The following FHOD3 variants were observed in gnomAD, a reference collection of about 807,000 sequenced individuals.
The protein encoded by FHOD3 is formin homology 2 domain containing 3.
FHOD3 carries 90 observed loss-of-function variants against 173.0 expected under a neutral mutation model. That is an observed-to-expected ratio of 0.52 (90% CI 0.44 to 0.62). The LOEUF is 0.62. Among genes scored for constraint, FHOD3 ranks in the 20% least tolerant of loss-of-function variants. FHOD3 has a pLI of 0.00. For synonymous variants in FHOD3, 828 were observed against 823.0 expected, an observed-to-expected ratio of 1.01 and a Z score of -0.10; for missense variants, 1,945 against 2,034.7, an observed-to-expected ratio of 0.96 and a Z score of 0.85.
intron 3 of FHOD3, among the ~76,000 whole-genome samples, chr18:36,480,945 C>T (rs1461183580): frequency 1.4e-5 from 2 of 146,512 alleles, no homozygotes; most frequent in African/African-American, 5.4e-5. Flanking sequence ...TTCATGTTCT[C>T]TGGAAACTCA....
intron 1 of FHOD3, among the ~76,000 whole-genome samples, chr18:36,324,014 G>A (rs1480465622): frequency 6.6e-6 from 1 of 152,224 alleles, no homozygotes; most frequent in Non-Finnish European, 1.5e-5. Context: ...TGAGGAATTT[G>A]TTGATTCATA....
At chr18:36,467,441 G>A (rs140470256) in intron 3 of FHOD3, among the ~76,000 whole-genome samples, 1 of 152,070 alleles carries the variant, frequency 6.6e-6, no homozygotes, top group African/African-American at 2.4e-5. Context: ...CCACCTTGTG[G>A]TTACCCTAGA....
chr18:36,732,168 C>T (rs1316174733), intron 20 of FHOD3, among the ~76,000 whole-genome samples: 1 of 152,134 alleles, frequency 6.6e-6, no homozygotes, highest in Non-Finnish European at 1.5e-5. Context: ...CCAAAGAATA[C>T]CAAGGATCGT....
intron 5 of FHOD3, among the ~76,000 whole-genome samples, chr18:36,555,349 T>A (rs889001507): frequency 2.6e-4 from 39 of 152,030 alleles, no homozygotes; most frequent in African/African-American, 9.2e-4. Flanking sequence ...AGAGTTTTTT[T>A]ATTTGTTTAT....
chr18:36,391,344 G>T (rs1356652678), intron 3 of FHOD3, among the ~76,000 whole-genome samples: 3 of 152,168 alleles, frequency 2.0e-5, no homozygotes, highest in South Asian at 2.1e-4. Flanking sequence ...CTGGACAGAT[G>T]CCAGGATCCC....
At chr18:36,509,532 G>A (rs1414760049) in intron 4 of FHOD3, among the ~76,000 whole-genome samples, 1 of 151,960 alleles carries the variant, frequency 6.6e-6, no homozygotes. Flanking sequence ...TTTTTTGTGA[G>A]TGCATATTTT....
At chr18:36,380,552 G>GTTTTCTTTTCTTTTCTTTTC (rs751185984) in intron 3 of FHOD3, among the ~76,000 whole-genome samples, 2 of 79,454 alleles carry the variant, frequency 2.5e-5, no homozygotes, top group African/African-American at 1.1e-4. Context: ...TCTTTCTTTT[G>GTTTTCTTTTCTTTTCTTTTC]TTTTCTTTTC....
intron 4 of FHOD3, among the ~76,000 whole-genome samples, chr18:36,506,326 A>C (rs2055296035): frequency 6.6e-6 from 1 of 152,182 alleles, no homozygotes; most frequent in African/African-American, 2.4e-5. Flanking sequence ...AGCATGAAGG[A>C]TGTTCAGCAT....
At chr18:36,623,925 A>G (rs1416356218) in intron 9 of FHOD3, among the ~76,000 whole-genome samples, 2 of 152,204 alleles carry the variant, frequency 1.3e-5, no homozygotes, top group African/African-American at 4.8e-5. Context: ...AGGGCAGCTG[A>G]TTTTGCAATA....
intron 9 of FHOD3, among the ~76,000 whole-genome samples, chr18:36,625,021 C>T (rs2033990710): frequency 6.6e-6 from 1 of 152,148 alleles, no homozygotes; most frequent in African/African-American, 2.4e-5. Context: ...ATGGGTGAGG[C>T]CAGTTCCCAT....
At chr18:36,356,642 T>G (rs898714289) in intron 2 of FHOD3, among the ~76,000 whole-genome samples, 36 of 151,632 alleles carry the variant, frequency 2.4e-4, no homozygotes, top group African/African-American at 8.7e-4. Flanking sequence ...TATATATATA[T>G]ATGTTATTTT....
At chr18:36,302,234 C>T (rs1278698939) in intron 1 of FHOD3, among the ~76,000 whole-genome samples, 3 of 152,174 alleles carry the variant, frequency 2.0e-5, no homozygotes, top group Non-Finnish European at 4.4e-5. Context: ...TGTGTTCATT[C>T]CTTTCTCACT....
intron 3 of FHOD3, among the ~76,000 whole-genome samples, chr18:36,411,467 A>G (rs1383531986): frequency 1.3e-5 from 2 of 152,226 alleles, no homozygotes; most frequent in Non-Finnish European, 2.9e-5. Context: ...TCATAAAAGG[A>G]TATTTAACCA....
intron 3 of FHOD3, among the ~76,000 whole-genome samples, chr18:36,451,311 T>C (rs2051827456): frequency 6.6e-6 from 1 of 152,226 alleles, no homozygotes; most frequent in Non-Finnish European, 1.5e-5. Context: ...AAATAGCTGA[T>C]GTCACAGACT....
Position 36,355,524 on chromosome 18 carries a change from C to T in FHOD3, c.166-15C>T, listed in dbSNP as rs746531183. The T allele has an allele frequency of 6.2e-7, 1 of 1,612,444 alleles. No homozygotes were observed. Among genetic ancestry groups the T allele is most frequent in the Admixed American group, 1.7e-5 (1 of 60,014 alleles). Reference sequence around the variant, plus strand: ...TGAGGAGCAGGTTGGGTATAACAGGCTCTTTCTCTTGCAGCTGGATGACTG... The same window carrying T: ...TGAGGAGCAGGTTGGGTATAACAGGTTCTTTCTCTTGCAGCTGGATGACTG... On this transcript the variant is annotated splice_polypyrimidine_tract_variant and intron_variant, in intron 1 of 28. Coordinates refer to ENST00000590592, the MANE Select transcript of FHOD3 (RefSeq NM_001281740.3).
chr18:36,595,579 T>C (rs1421669755), intron 7 of FHOD3, among the ~76,000 whole-genome samples: 1 of 152,170 alleles, frequency 6.6e-6, no homozygotes, highest in East Asian at 1.9e-4. Flanking sequence ...GTGTTGCCCA[T>C]CCCTGTCTCT....
In FHOD3 at chr18:36,779,511, C is replaced by T. The variant is rs1394688722; in HGVS notation, c.4850C>T (p.Thr1617Ile). The T allele has an allele frequency of 6.2e-7, 1 of 1,614,146 alleles. No individual in the cohort carries two copies. ...EEARALGLVG[T>I]SELQL ...GCCAGAGCCCTGGGCTTGGTTGGCACCTCGGAGTTGCAGCTGTGACACTCA... is the reference window on the plus strand; with the variant it reads ...GCCAGAGCCCTGGGCTTGGTTGGCATCTCGGAGTTGCAGCTGTGACACTCA... The change falls in exon 29 of 29, where the codon ACC (threonine) becomes ATC (isoleucine). Residue 1617 changes from threonine to isoleucine, a missense_variant. This residue lies in a region of FHOD3 where 354 missense variants were observed against 359.9 expected (regional missense o/e 0.98). Transcript: ENST00000590592.
intron 7 of FHOD3, among the ~76,000 whole-genome samples, chr18:36,602,456 A>G (rs183565199): frequency 6.6e-6 from 1 of 152,340 alleles, no homozygotes; most frequent in Non-Finnish European, 1.5e-5. Context: ...GCTCTTGCCA[A>G]AAGGACAAAG....
chr18:36,381,635 C>T (rs765653106), intron 3 of FHOD3, among the ~76,000 whole-genome samples: 30 of 152,164 alleles, frequency 2.0e-4, no homozygotes, highest in Non-Finnish European at 3.7e-4. Context: ...CTCTTGAGCA[C>T]GTGAAGGTGT....
Sources: allele counts gnomAD v4.1 joint callset (sites outside exome capture counted in the v4.1 genomes callset), GRCh38; gene constraint gnomAD v4.1.1; regional missense constraint gnomAD v4.1.1; transcripts MANE v1.5; gene names NCBI Gene and HGNC (gene_info 2026-07-23, HGNC 2026-07-21).